NAV3: variants seen among roughly 807,000 people sequenced by gnomAD.
The protein encoded by NAV3 is pore membrane and/or filament interacting like protein 1.
NAV3 carries 87 observed loss-of-function variants against 244.7 expected under a neutral mutation model. The observed-to-expected ratio is 0.36, with a 90% CI of 0.30 to 0.42. NAV3 has a LOEUF of 0.42. Ranked by LOEUF, NAV3 falls within the 20% of genes least tolerant of loss-of-function variation. The probability of loss-of-function intolerance (pLI) is 1.00; values close to 1 mark genes in which losing one functional copy is unlikely to be tolerated. For missense variants in NAV3, 2,663 were observed against 2,893.3 expected, an observed-to-expected ratio of 0.92 and a Z score of 1.83; for synonymous variants, 1,126 against 1,042.2, an observed-to-expected ratio of 1.08 and a Z score of -1.55.
chr12:78,048,790 T>G (rs917911356), intron 9 of NAV3, among the ~76,000 whole-genome samples: 1 of 151,888 alleles, frequency 6.6e-6, no homozygotes. Flanking sequence ...CAGGCAAGAG[T>G]GTTTTAGTCT....
chr12:77,969,624 A>C (rs1402825828), intron 5 of NAV3, among the ~76,000 whole-genome samples: 1 of 152,104 alleles, frequency 6.6e-6, no homozygotes, highest in African/African-American at 2.4e-5. Context: ...AGGTGGATGT[A>C]TCACAAGGTC....
intron 11 of NAV3, among the ~76,000 whole-genome samples, chr12:78,052,939 C>T (rs1323172235): frequency 6.6e-6 from 1 of 151,846 alleles, no homozygotes; most frequent in Admixed American, 6.6e-5. Flanking sequence ...TATACCAAGG[C>T]TGGGCACGGT....
At chr12:77,812,311 A>G (rs1872324065) in intron 2 of NAV3, among the ~76,000 whole-genome samples, 1 of 152,244 alleles carries the variant, frequency 6.6e-6, no homozygotes, top group South Asian at 2.1e-4. Context: ...AGTGTTTATT[A>G]AATGACTTTC....
At chr12:77,916,830 T>A (rs1887196191) in intron 1 of NAV3, among the ~76,000 whole-genome samples, 2 of 151,974 alleles carry the variant, frequency 1.3e-5, no homozygotes, top group South Asian at 2.1e-4. Flanking sequence ...TTACAATTAG[T>A]GTTAAAAAAT....
intron 2 of NAV3, among the ~76,000 whole-genome samples, chr12:77,699,982 AG>A (rs1282267177): frequency 6.6e-6 from 1 of 152,128 alleles, no homozygotes; most frequent in Non-Finnish European, 1.5e-5. Flanking sequence ...TGACCCAGCC[AG>A]TTTTGTTTTG....
At chr12:77,936,261 A>C (rs1889318943) in intron 1 of NAV3, among the ~76,000 whole-genome samples, 1 of 152,328 alleles carries the variant, frequency 6.6e-6, no homozygotes, top group South Asian at 2.1e-4. Flanking sequence ...ATTATGGTTA[A>C]TGAATGATTA....
chr12:77,968,225 A>G (rs1053698704), intron 4 of NAV3, among the ~76,000 whole-genome samples: 72 of 152,336 alleles, frequency 4.7e-4, no homozygotes, highest in African/African-American at 1.5e-3. Flanking sequence ...TTTATTTCTA[A>G]GAAGCAGCTA....
Position 78,205,141 on chromosome 12 carries a change from A to G in NAV3, c.7038+3A>G, listed in dbSNP as rs1290669014. On this transcript the variant is annotated splice_donor_region_variant and intron_variant, in intron 39 of 39. Coordinates refer to ENST00000397909, the MANE Select transcript of NAV3 (RefSeq NM_001024383.2). ...CTGACACAGAAGGAGATCCCCTGGT[A>G]AGAATCAGATGTTCATTTCTTCCTA... The G allele has an allele frequency of 1.2e-6, 2 of 1,612,178 alleles. No individual in the cohort carries two copies. The highest frequency in any genetic ancestry group is 8.5e-7 in the Non-Finnish European group (1 of 1,179,120).
rs116199414 is a variant in NAV3, at chr12:78,172,563, G to A, written c.4982-2743G>A. Among the ~76,000 whole-genome samples, 511 of 151,664 alleles carry A rather than the reference G, an allele frequency of 3.4e-3. 1 individual carries two copies. The highest frequency in any genetic ancestry group is 0.011 in the African/African-American group (466 of 41,502). ...GACAATAATGGGTGCCATAGGGAAGGAGGGTACCAAGGAACCTACTGGAGG... is the reference window on the plus strand; with the variant it reads ...GACAATAATGGGTGCCATAGGGAAGAAGGGTACCAAGGAACCTACTGGAGG... On this transcript the variant is annotated intron_variant, in intron 24 of 39. Transcript: ENST00000397909.
intron 11 of NAV3, 27 bp from the exon 12 acceptor site, chr12:78,058,969 G>A (rs2137403477): frequency 1.3e-6 from 2 of 1,561,406 alleles, no homozygotes; most frequent in African/African-American, 2.8e-5. Context: ...TTAGTTTTCT[G>A]TGAATTAATT....
At position 78,128,677 on chromosome 12, in the gene NAV3, T is replaced by A. The variant is rs373294989; in HGVS notation, c.4281-29T>A. 29 of 1,605,686 alleles carry A rather than the reference T, an allele frequency of 1.8e-5. No individual in the cohort carries two copies. In the African/African-American group the frequency reaches 3.2e-4, roughly 18 times the overall value. On this transcript the variant is annotated intron_variant, in intron 17 of 39. Transcript: ENST00000397909. Reference sequence around the variant, plus strand: ...CATTGCCTTGCCCTTGTAGATGTGCTTAAGTGTCATAGCTGTGCTGTTTTG... The same window carrying A: ...CATTGCCTTGCCCTTGTAGATGTGCATAAGTGTCATAGCTGTGCTGTTTTG...
intron 2 of NAV3, among the ~76,000 whole-genome samples, chr12:77,643,125 T>C (rs1409112573): frequency 6.6e-6 from 1 of 151,970 alleles, no homozygotes; most frequent in Non-Finnish European, 1.5e-5. Flanking sequence ...ATTCTCATAC[T>C]CTATAACCTC....
At chr12:78,060,448 T>TGTGTGGGTATGG (rs1884163183) in intron 12 of NAV3, among the ~76,000 whole-genome samples, 1 of 151,348 alleles carries the variant, frequency 6.6e-6, no homozygotes, top group South Asian at 2.1e-4. Context: ...TATACTCTTG[T>TGTGTGGGTATGG]GTGTGGGTGT....
chr12:77,969,930 A>G (rs972731085), intron 5 of NAV3, among the ~76,000 whole-genome samples: 1 of 152,234 alleles, frequency 6.6e-6, no homozygotes, highest in African/African-American at 2.4e-5. Flanking sequence ...AATTGATTAT[A>G]GACTTTTATT....
At chr12:77,838,918 A>T (rs1295493269) in intron 1 of NAV3, among the ~76,000 whole-genome samples, 1 of 152,218 alleles carries the variant, frequency 6.6e-6, no homozygotes, top group Non-Finnish European at 1.5e-5. Flanking sequence ...CTTTTCTAAG[A>T]GTAACATTTT....
intron 24 of NAV3, among the ~76,000 whole-genome samples, chr12:78,171,166 G>A (rs1488022906): frequency 6.6e-6 from 1 of 151,708 alleles, no homozygotes; most frequent in Non-Finnish European, 1.5e-5. Flanking sequence ...CTTCTTTCAA[G>A]ACTTTAGCAA....
intron 8 of NAV3, among the ~76,000 whole-genome samples, chr12:78,015,459 A>G (rs1002311381): frequency 2.6e-5 from 4 of 151,614 alleles, no homozygotes; most frequent in Non-Finnish European, 5.9e-5. Flanking sequence ...TGGGTTTGTC[A>G]TATAGTTCCT....
chr12:77,806,142 A>T (rs1186700640), intron 2 of NAV3, among the ~76,000 whole-genome samples: 1 of 152,028 alleles, frequency 6.6e-6, no homozygotes, highest in Non-Finnish European at 1.5e-5. Context: ...GATTTTTTGA[A>T]GGGTTTTTGT....
chr12:77,607,653 C>T (rs889259623), intron 2 of NAV3, among the ~76,000 whole-genome samples: 2 of 152,028 alleles, frequency 1.3e-5, no homozygotes, highest in African/African-American at 4.8e-5. Context: ...TGTAGAATGT[C>T]TAATTATCAA....
Sources: allele counts gnomAD v4.1 joint callset (sites outside exome capture counted in the v4.1 genomes callset), GRCh38; gene constraint gnomAD v4.1.1; transcripts MANE v1.5; gene names NCBI Gene and HGNC (gene_info 2026-07-23, HGNC 2026-07-21).